The following DGKD variants were observed in gnomAD, a reference collection of about 807,000 sequenced individuals.
The protein encoded by DGKD is DAG kinase delta.
DGKD carries 68 observed loss-of-function variants against 154.4 expected under a neutral mutation model. That is an observed-to-expected ratio of 0.44 (90% CI 0.36 to 0.54). The LOEUF (loss-of-function observed/expected upper bound fraction) is 0.54. DGKD is among the 20% of genes least tolerant of loss of function. The probability of loss-of-function intolerance (pLI) is 0.00; values close to 1 mark genes in which losing one functional copy is unlikely to be tolerated. For missense variants in DGKD, 1,343 were observed against 1,593.6 expected (o/e 0.84, Z 2.68); for synonymous variants, 693 against 638.0 (o/e 1.09, Z -1.30).
chr2:233,382,774 C>T (rs1364257990), intron 1 of DGKD, among the ~76,000 whole-genome samples: 1 of 151,996 alleles, frequency 6.6e-6, no homozygotes, highest in Non-Finnish European at 1.5e-5. Context: ...ATATTTTTCC[C>T]TTTACCATTT....
chr2:233,422,831 A>G (rs1363280699), intron 3 of DGKD, among the ~76,000 whole-genome samples: 5 of 152,162 alleles, frequency 3.3e-5, no homozygotes, highest in East Asian at 1.9e-4. Flanking sequence ...CTCCAGTACA[A>G]TGTCACACCC....
Position 233,469,589 on chromosome 2 carries a change from C to A in DGKD, c.*129C>A. On this transcript the variant is annotated 3_prime_UTR_variant, in exon 30 of 30. Transcript: ENST00000264057. ...CAGATGCTGCAGCCCGCCCCCTTCTCATGGTGCTACTTCCTCTGTCAGCTA... is the reference window on the plus strand; with the variant it reads ...CAGATGCTGCAGCCCGCCCCCTTCTAATGGTGCTACTTCCTCTGTCAGCTA... The A allele has an allele frequency of 1.4e-6, 1 of 735,804 alleles. No homozygotes were observed. The allele number at this position is 735,804 out of a possible 1,614,324, so 45.6% of individuals were successfully genotyped here. A position where few individuals can be genotyped will look rare whatever the true frequency, so the allele number is the denominator to read the frequency against.
At chr2:233,420,519 C>A (rs1667391530) in intron 3 of DGKD, among the ~76,000 whole-genome samples, 1 of 152,184 alleles carries the variant, frequency 6.6e-6, no homozygotes, top group African/African-American at 2.4e-5. Flanking sequence ...CATTTGTTTT[C>A]ATGTTTATAT....
intron 3 of DGKD, among the ~76,000 whole-genome samples, chr2:233,393,626 C>T (rs1224242935): frequency 6.6e-6 from 1 of 151,598 alleles, no homozygotes; most frequent in South Asian, 2.1e-4. Context: ...GTGTAAGGCA[C>T]CATGCTGGGC....
intron 1 of DGKD, among the ~76,000 whole-genome samples, chr2:233,359,127 C>T (rs941261631): frequency 3.3e-5 from 5 of 152,172 alleles, no homozygotes; most frequent in African/African-American, 1.2e-4. Context: ...ATTTTATTGT[C>T]GGATTTCAAA....
At chr2:233,468,374 C>T (rs568561134) in intron 28 of DGKD, 49 bp from the exon 29 acceptor site, 3 of 1,603,046 alleles carry the variant, frequency 1.9e-6, no homozygotes, top group East Asian at 4.5e-5. Flanking sequence ...GCCTACCTTG[C>T]ACTGGGCTCT....
chr2:233,354,756 G>A lies in DGKD; in HGVS notation c.156+82G>A. 1 of 836,850 alleles carries A rather than the reference G, an allele frequency of 1.2e-6. No homozygotes were observed. 51.8% of individuals were successfully genotyped at this position (836,850 alleles called of 1,614,324 possible). A position where few individuals can be genotyped will look rare whatever the true frequency, so the allele number is the denominator to read the frequency against. ...CCGAGGCCCGTGGCCCTGCCCGAGCGGCCGCCCAGGCCCGGCTCGGCCCGG... is the reference window on the plus strand; with the variant it reads ...CCGAGGCCCGTGGCCCTGCCCGAGCAGCCGCCCAGGCCCGGCTCGGCCCGG... On this transcript the variant is annotated intron_variant, in intron 1 of 29. Transcript: ENST00000264057. The surrounding 1 kb of genome is among the most constrained non-coding windows in gnomAD (Gnocchi z 4.8).
At chr2:233,360,455 A>C (rs1482724882) in intron 1 of DGKD, among the ~76,000 whole-genome samples, 1 of 151,982 alleles carries the variant, frequency 6.6e-6, no homozygotes, top group Non-Finnish European at 1.5e-5. Context: ...GGGTCTCACT[A>C]TGTTGCCCAT....
At chr2:233,443,190 A>G (rs1363081502) in intron 10 of DGKD, among the ~76,000 whole-genome samples, 3 of 152,132 alleles carry the variant, frequency 2.0e-5, no homozygotes, top group Non-Finnish European at 4.4e-5. Context: ...CAAGCTGTTC[A>G]TCTCTTTAGT....
At chr2:233,444,571 CT>C (rs975770412) in intron 10 of DGKD, among the ~76,000 whole-genome samples, 5 of 150,664 alleles carry the variant, frequency 3.3e-5, no homozygotes, top group Non-Finnish European at 4.4e-5. Flanking sequence ...CGCTGCTCTC[CT>C]TTTCCTTTAA....
chr2:233,367,128 T>G (rs1262992584), intron 1 of DGKD, among the ~76,000 whole-genome samples: 1 of 152,240 alleles, frequency 6.6e-6, no homozygotes, highest in Non-Finnish European at 1.5e-5. Flanking sequence ...CTCTTTAGTT[T>G]GTTAAATTAG....
intron 3 of DGKD, among the ~76,000 whole-genome samples, chr2:233,410,717 A>G (rs1384411568): frequency 1.3e-5 from 2 of 152,224 alleles, no homozygotes; most frequent in African/African-American, 2.4e-5. Flanking sequence ...GACTTGAGAC[A>G]TAATTGATGT....
chr2:233,458,200 C>A lies in DGKD; in HGVS notation c.2581-84C>A, dbSNP rs1236729160. ...TTCTCGCCAGCTAGGAGGGGCTGAC[C>A]CCCAGAGGGAGGGAGTGAGGGTAGG... On this transcript the variant is annotated intron_variant, in intron 21 of 29. Transcript: ENST00000264057. The surrounding 1 kb of genome is among the most constrained non-coding windows in gnomAD (Gnocchi z 6.6). The A allele has an allele frequency of 2.4e-6, 2 of 836,172 alleles. No individual in the cohort carries two copies. The highest frequency in any genetic ancestry group is 1.7e-5 in the African/African-American group (1 of 60,198). The allele number at this position is 836,172 out of a possible 1,614,324, so 51.8% of individuals were successfully genotyped here. A position where few individuals can be genotyped will look rare whatever the true frequency, so the allele number is the denominator to read the frequency against.
rs549893451 is a variant in DGKD, at chr2:233,460,138, C to T, written c.2830-56C>T. 7.8e-5 allele frequency: 125 copies of T among 1,594,498 alleles called. No individual in the cohort carries two copies. The South Asian group carries it at 1.2e-3, about 16-fold the overall frequency. ...TCGTTGGCATCCCCATAGTGTCTGT[C>T]GCAGTCAGATGCATGCTTCAGAGCA... On this transcript the variant is annotated intron_variant, in intron 23 of 29. Coordinates refer to ENST00000264057, the MANE Select transcript of DGKD (RefSeq NM_152879.3).
At chr2:233,376,500 A>T (rs575660617) in intron 1 of DGKD, among the ~76,000 whole-genome samples, 1 of 152,208 alleles carries the variant, frequency 6.6e-6, no homozygotes, top group Admixed American at 6.5e-5. Context: ...CTCCATAAAT[A>T]CTGATTATTT....
At chr2:233,360,257 TA>T (rs1369971910) in intron 1 of DGKD, among the ~76,000 whole-genome samples, 1 of 152,102 alleles carries the variant, frequency 6.6e-6, no homozygotes, top group Admixed American at 6.6e-5. Context: ...TAAATATCTT[TA>T]AAAAAATTTT....
chr2:233,447,933 A>G (rs2063140632), intron 12 of DGKD, 154 bp from the exon 13 acceptor site: 2 of 1,471,318 alleles, frequency 1.4e-6, no homozygotes, highest in African/African-American at 2.8e-5. Flanking sequence ...GTTAGAAGTG[A>G]GTTGAGGCTT....
intron 3 of DGKD, chr2:233,419,313 T>C: frequency 1.0e-6 from 1 of 985,554 alleles, no homozygotes; most frequent in Non-Finnish European, 1.2e-6. Context: ...TCGTAATCTG[T>C]AGGCTCTTGC....
intron 3 of DGKD, among the ~76,000 whole-genome samples, chr2:233,401,091 C>T (rs759667732): frequency 4.0e-5 from 6 of 151,856 alleles, no homozygotes; most frequent in Non-Finnish European, 5.9e-5. Context: ...TTCTTTAAGG[C>T]AAGCCAGAGT....
Sources: allele counts gnomAD v4.1 joint callset (sites outside exome capture counted in the v4.1 genomes callset), GRCh38; gene constraint gnomAD v4.1.1; non-coding constraint Gnocchi (gnomAD v3.1); transcripts MANE v1.5; gene names NCBI Gene and HGNC (gene_info 2026-07-23, HGNC 2026-07-21).